The following HIVEP3 variants were observed in gnomAD, a reference collection of about 807,000 sequenced individuals.
The protein encoded by HIVEP3 is HIVEP zinc finger 3.
HIVEP3 carries 49 observed loss-of-function variants against 152.8 expected under a neutral mutation model. That is an observed-to-expected ratio of 0.32 (90% CI 0.26 to 0.41). The LOEUF is 0.41. Among genes scored for constraint, HIVEP3 ranks in the 10% least tolerant of loss-of-function variants. HIVEP3 has a pLI of 1.00. For missense variants in HIVEP3, 2,790 were observed against 3,103.3 expected (o/e 0.90, Z 2.40); for synonymous variants, 1,269 against 1,289.0 (o/e 0.98, Z 0.33).
intron 1 of HIVEP3, among the ~76,000 whole-genome samples, chr1:41,994,197 AG>A (rs1193626439): frequency 6.6e-6 from 1 of 151,794 alleles, no homozygotes; most frequent in Non-Finnish European, 1.5e-5. Flanking sequence ...CTCTCTGGAG[AG>A]AAGCATGTTA....
intron 5 of HIVEP3, among the ~76,000 whole-genome samples, chr1:41,553,409 G>C (rs987086854): frequency 1.2e-4 from 18 of 152,166 alleles, no homozygotes; most frequent in African/African-American, 4.3e-4. Flanking sequence ...ACATGAGATT[G>C]GTCTCCTGAA....
At position 41,730,914 on chromosome 1, in the gene HIVEP3, T is replaced by C. The variant is rs141805284; in HGVS notation, c.-800-29919A>G. 3.0e-4 allele frequency among the ~76,000 whole-genome samples: 45 copies of C among 152,138 alleles called. No homozygotes were observed. The East Asian group carries it at 7.7e-3, about 26-fold the overall frequency. Reference sequence around the variant, plus strand: ...GGCTTCCTGTGGGGGGTGAATTTGTTTGTGAAGAGGAGCAAGGACGCAACT... The same window carrying C: ...GGCTTCCTGTGGGGGGTGAATTTGTCTGTGAAGAGGAGCAAGGACGCAACT... On this transcript the variant is annotated intron_variant, in intron 1 of 8. Coordinates refer to ENST00000372583, the MANE Select transcript of HIVEP3 (RefSeq NM_024503.5).
chr1:41,526,160 G>A (rs1642896628), intron 5 of HIVEP3, among the ~76,000 whole-genome samples: 1 of 151,896 alleles, frequency 6.6e-6, no homozygotes, highest in Non-Finnish European at 1.5e-5. Flanking sequence ...GACTTGGGAA[G>A]GAAGGGCTTG....
chr1:41,896,323 C>T (rs1570760159), intron 1 of HIVEP3, among the ~76,000 whole-genome samples: 1 of 152,320 alleles, frequency 6.6e-6, no homozygotes, highest in East Asian at 1.9e-4. Flanking sequence ...AGATTATGAG[C>T]ATTCCTCTTC....
At chr1:41,691,883 ATTT>A (rs34731891) in intron 2 of HIVEP3, among the ~76,000 whole-genome samples, 14 of 143,140 alleles carry the variant, frequency 9.8e-5, no homozygotes, top group African/African-American at 2.3e-4. Flanking sequence ...AGAGTGGTGA[ATTT>A]TTTTTTTTTT....
chr1:41,549,648 G>T (rs1163040407), intron 5 of HIVEP3, among the ~76,000 whole-genome samples: 1 of 152,226 alleles, frequency 6.6e-6, no homozygotes, highest in Non-Finnish European at 1.5e-5. Flanking sequence ...TTTCTCATGT[G>T]TCTGTTGGCT....
intron 1 of HIVEP3, among the ~76,000 whole-genome samples, chr1:41,721,195 C>T (rs975165022): frequency 6.7e-6 from 1 of 149,452 alleles, no homozygotes; most frequent in African/African-American, 2.6e-5. Context: ...GTGAAACATT[C>T]TTACTGCAAT....
At chr1:41,560,517 T>C (rs148942594) in intron 5 of HIVEP3, among the ~76,000 whole-genome samples, 3,649 of 152,106 alleles carry the variant, frequency 0.024, 149 homozygotes, top group African/African-American at 0.08. Flanking sequence ...GGAAAGACAC[T>C]CAGCCACACT....
intron 1 of HIVEP3, among the ~76,000 whole-genome samples, chr1:42,028,410 C>G (rs1322866940): frequency 6.6e-6 from 1 of 152,206 alleles, no homozygotes; most frequent in Non-Finnish European, 1.5e-5. Context: ...ACTTTTCTTT[C>G]TGCTGCCCAT....
At chr1:41,562,951 C>T (rs1030814455) in intron 5 of HIVEP3, among the ~76,000 whole-genome samples, 3 of 152,090 alleles carry the variant, frequency 2.0e-5, no homozygotes, top group African/African-American at 7.2e-5. Flanking sequence ...TCCCCCCACC[C>T]ACCCCAGAGA....
At chr1:41,648,977 C>G (rs1295659284) in intron 2 of HIVEP3, among the ~76,000 whole-genome samples, 3 of 152,254 alleles carry the variant, frequency 2.0e-5, no homozygotes, top group Non-Finnish European at 4.4e-5. Context: ...CTCAGAGCCT[C>G]TGCGTCCTTG....
intron 1 of HIVEP3, among the ~76,000 whole-genome samples, chr1:41,852,850 C>A (rs963729906): frequency 1.3e-5 from 2 of 152,220 alleles, no homozygotes; most frequent in Admixed American, 6.5e-5. Flanking sequence ...TCCAAGAGTT[C>A]AGTTCACTCC....
intron 1 of HIVEP3, among the ~76,000 whole-genome samples, chr1:41,718,324 C>G (rs1401698397): frequency 2.0e-5 from 3 of 152,248 alleles, no homozygotes. Flanking sequence ...GGTCTGTACC[C>G]TACGCTTGCT....
intron 2 of HIVEP3, among the ~76,000 whole-genome samples, chr1:41,684,390 C>G (rs1646084882): frequency 6.6e-6 from 1 of 152,248 alleles, no homozygotes; most frequent in African/African-American, 2.4e-5. Context: ...ACCATTTCCT[C>G]CAAGGCCAAG....
chr1:41,888,860 T>TCA (rs1281651177), intron 1 of HIVEP3, among the ~76,000 whole-genome samples: 3 of 116,614 alleles, frequency 2.6e-5, no homozygotes, highest in African/African-American at 6.8e-5. Context: ...ACCACATACC[T>TCA]CACACACACA....
intron 1 of HIVEP3, among the ~76,000 whole-genome samples, chr1:41,703,575 C>T (rs907809033): frequency 6.6e-6 from 1 of 152,142 alleles, no homozygotes; most frequent in Non-Finnish European, 1.5e-5. Flanking sequence ...GTGATCCAAT[C>T]CGTGTACAAT....
chr1:41,915,716 C>T (rs1407810428), intron 1 of HIVEP3, among the ~76,000 whole-genome samples: 1 of 152,182 alleles, frequency 6.6e-6, no homozygotes, highest in African/African-American at 2.4e-5. Context: ...TGTTACTAAA[C>T]GTATCTCATT....
At chr1:41,813,408 G>C (rs1651082830) in intron 1 of HIVEP3, among the ~76,000 whole-genome samples, 1 of 152,238 alleles carries the variant, frequency 6.6e-6, no homozygotes, top group Non-Finnish European at 1.5e-5. Flanking sequence ...ACTGCTGCCA[G>C]GCAATGTTCA....
At chr1:41,532,620 G>T (rs148285746) in intron 5 of HIVEP3, among the ~76,000 whole-genome samples, 95 of 152,262 alleles carry the variant, frequency 6.2e-4, no homozygotes, top group African/African-American at 2.2e-3. Flanking sequence ...TCTGGGCATA[G>T]GCTCCACAGG....
Sources: allele counts gnomAD v4.1 joint callset (sites outside exome capture counted in the v4.1 genomes callset), GRCh38; gene constraint gnomAD v4.1.1; transcripts MANE v1.5; gene names NCBI Gene and HGNC (gene_info 2026-07-23, HGNC 2026-07-21).